The following ANOS1 variants were observed in gnomAD, a reference collection of about 807,000 sequenced individuals.
ANOS1 encodes the protein anosmin 1, also known as anosmin-1.
ANOS1 carries 6 observed loss-of-function variants against 59.0 expected under a neutral mutation model. That is an observed-to-expected ratio of 0.10 (90% CI 0.06 to 0.20). ANOS1 has a LOEUF of 0.20. Ranked by LOEUF, ANOS1 falls within the 10% of genes least tolerant of loss-of-function variation. The pLI is 1.00. For synonymous variants in ANOS1, 217 were observed against 223.4 expected (o/e 0.97, Z 0.25); for missense variants, 433 against 542.3 (o/e 0.80, Z 2.00).
intron 2 of ANOS1, among the ~76,000 whole-genome samples, chrX:8,658,640 A>C (rs896685078): frequency 2.7e-5 from 3 of 112,369 alleles, no homozygotes; most frequent in Non-Finnish European, 5.6e-5. Context: ...GAATGGAATA[A>C]TTGTAGCCAT....
At position 8,681,119 on chromosome X, in the gene ANOS1, A is replaced by G. The variant is rs189831086; in HGVS notation, c.255+18579T>C. Reference sequence around the variant, plus strand: ...TTCTTTGTCTATTCTCCTCTCCACAATGTATTGCCCTTCATTAAAATGGTA... The same window carrying G: ...TTCTTTGTCTATTCTCCTCTCCACAGTGTATTGCCCTTCATTAAAATGGTA... On this transcript the variant is annotated intron_variant, in intron 2 of 13. Coordinates refer to ENST00000262648, the MANE Select transcript of ANOS1 (RefSeq NM_000216.4). 9.0e-5 allele frequency among the ~76,000 whole-genome samples: 10 copies of G among 111,572 alleles called. No homozygotes were observed. In the East Asian group the frequency reaches 2.8e-3, roughly 32 times the overall value.
chrX:8,669,403 T>C (rs1331068650), intron 2 of ANOS1, among the ~76,000 whole-genome samples: 2 of 111,461 alleles, frequency 1.8e-5, no homozygotes, highest in Admixed American at 1.9e-4. Context: ...AATGTATCGA[T>C]AGTAATCCAT....
intron 2 of ANOS1, among the ~76,000 whole-genome samples, chrX:8,633,526 C>A (rs1931524223): frequency 8.9e-6 from 1 of 111,776 alleles, no homozygotes; most frequent in Non-Finnish European, 1.9e-5. Context: ...ATTTTTGGTA[C>A]AGTATTGAAG....
intron 2 of ANOS1, among the ~76,000 whole-genome samples, chrX:8,683,591 C>G (rs1295876452): frequency 8.9e-6 from 1 of 111,949 alleles, no homozygotes; most frequent in African/African-American, 3.2e-5. Context: ...GTTACAGAAA[C>G]AAGGCAAGTA....
chrX:8,608,274 C>T (rs1025868473), intron 3 of ANOS1, among the ~76,000 whole-genome samples: 4 of 111,870 alleles, frequency 3.6e-5, no homozygotes, highest in African/African-American at 1.3e-4. Flanking sequence ...AATTCTTTAA[C>T]GCAGTTCTAG....
At chrX:8,700,678 G>A (rs1274195562) in intron 1 of ANOS1, among the ~76,000 whole-genome samples, 1 of 112,069 alleles carries the variant, frequency 8.9e-6, no homozygotes. Flanking sequence ...AGGCCACTGG[G>A]GTAACTAAAT....
At chrX:8,678,672 T>C (rs1932373617) in intron 2 of ANOS1, among the ~76,000 whole-genome samples, 1 of 111,863 alleles carries the variant, frequency 8.9e-6, no homozygotes, top group African/African-American at 3.2e-5. Context: ...AGCTACTTCC[T>C]TGGGTTATTG....
intron 2 of ANOS1, among the ~76,000 whole-genome samples, chrX:8,663,322 A>AT (rs902267830): frequency 9.0e-6 from 1 of 110,896 alleles, no homozygotes; most frequent in East Asian, 2.8e-4. Context: ...GTTTCTTTGG[A>AT]TTTTTTTTTC....
intron 10 of ANOS1, among the ~76,000 whole-genome samples, chrX:8,539,452 C>G (rs1281591432): frequency 9.1e-6 from 1 of 110,108 alleles, no homozygotes; most frequent in Non-Finnish European, 1.9e-5. Context: ...AGGTTTTGCT[C>G]CATGTGGATA....
chrX:8,594,528 C>T (rs184993695), intron 4 of ANOS1, among the ~76,000 whole-genome samples: 1,634 of 101,726 alleles, frequency 0.016, 40 homozygotes, highest in African/African-American at 0.056. Flanking sequence ...GCTGTAGGCT[C>T]TATTTGCCCT....
chrX:8,591,894 C>G (rs1449213255), intron 4 of ANOS1, among the ~76,000 whole-genome samples: 1 of 112,362 alleles, frequency 8.9e-6, no homozygotes, highest in African/African-American at 3.2e-5. Flanking sequence ...TTTAAAATTA[C>G]TTTTGAACAA....
At chrX:8,664,252 G>A (rs189449592) in intron 2 of ANOS1, among the ~76,000 whole-genome samples, 1,881 of 111,630 alleles carry the variant, frequency 0.017, 20 homozygotes, top group Non-Finnish European at 0.028. Context: ...GTGCAGTGGC[G>A]CGATCTTGGC....
Position 8,569,842 on chromosome X carries a change from AAAGG to A in ANOS1, c.1062+653_1062+656del, listed in dbSNP as rs1343212246. ...ATTTATGTAAATTTTATGACAAGAT[AAAGG>A]AATGTATACTAAAAGGAATCCAAAT... On this transcript the variant is annotated intron_variant, in intron 7 of 13. Coordinates refer to ENST00000262648, the MANE Select transcript of ANOS1 (RefSeq NM_000216.4). Among the ~76,000 whole-genome samples, 15 of 112,009 alleles carry A rather than the reference AAAGG, an allele frequency of 1.3e-4. 1 individual carries two copies. The highest frequency in any genetic ancestry group is 4.9e-4 in the African/African-American group (15 of 30,794).
intron 2 of ANOS1, among the ~76,000 whole-genome samples, chrX:8,671,959 A>G (rs1271833320): frequency 9.0e-6 from 1 of 110,709 alleles, no homozygotes; most frequent in Non-Finnish European, 1.9e-5. Context: ...GATTTTCCGG[A>G]ATACAATACA....
chrX:8,679,696 GA>G (rs1357777103), intron 2 of ANOS1, among the ~76,000 whole-genome samples: 1 of 110,923 alleles, frequency 9.0e-6, no homozygotes, highest in African/African-American at 3.3e-5. Context: ...TTGGTAAGAT[GA>G]AAAAGTTCCG....
chrX:8,608,524 A>AC (rs974557997), intron 3 of ANOS1, among the ~76,000 whole-genome samples: 2 of 112,091 alleles, frequency 1.8e-5, no homozygotes, highest in Non-Finnish European at 3.8e-5. Context: ...TTTACCTCTT[A>AC]GAGATCTTCC....
chrX:8,726,726 A>G (rs1461945824), intron 1 of ANOS1, among the ~76,000 whole-genome samples: 7 of 112,410 alleles, frequency 6.2e-5, no homozygotes, highest in Non-Finnish European at 1.1e-4. Flanking sequence ...CATCATGGGC[A>G]GACCCAGAGG....
intron 2 of ANOS1, among the ~76,000 whole-genome samples, chrX:8,625,956 C>CA (rs1931382811): frequency 9.3e-6 from 1 of 107,331 alleles, no homozygotes; most frequent in Non-Finnish European, 1.9e-5. Context: ...ACTAAAAATA[C>CA]AAAAAATTAG....
intron 2 of ANOS1, among the ~76,000 whole-genome samples, chrX:8,646,991 C>A (rs1200517863): frequency 3.7e-5 from 4 of 107,336 alleles, no homozygotes. Flanking sequence ...CCAATGAGAT[C>A]GAGGTGGAGG....
Sources: gnomAD v4.1 joint callset for allele counts (sites outside exome capture counted in the v4.1 genomes callset) on GRCh38, gnomAD v4.1.1 for gene constraint, MANE v1.5 for transcripts, NCBI Gene and HGNC (gene_info 2026-07-23, HGNC 2026-07-21) for gene names.